The following PRKN variants were observed in gnomAD, a reference collection of about 807,000 sequenced individuals.
PRKN encodes the protein parkin RBR E3 ubiquitin protein ligase.
PRKN carries 56 observed loss-of-function variants against 59.5 expected under a neutral mutation model. The observed-to-expected ratio is 0.94, with a 90% CI of 0.76 to 1.18. The LOEUF is 1.18. Among genes scored for constraint, PRKN ranks in the 50% most tolerant of loss-of-function variants. PRKN has a pLI of 0.00. For synonymous variants in PRKN, 250 were observed against 222.1 expected (o/e 1.13, Z -1.12); for missense variants, 657 against 596.4 (o/e 1.10, Z -1.06).
chr6:162,055,248 C>A (rs1777810784), intron 4 of PRKN, among the ~76,000 whole-genome samples: 1 of 152,112 alleles, frequency 6.6e-6, no homozygotes, highest in Non-Finnish European at 1.5e-5. Context: ...AGCAAATTTC[C>A]AGATCCTCAA....
chr6:162,067,107 C>A (rs1778373872), intron 4 of PRKN, among the ~76,000 whole-genome samples: 1 of 152,034 alleles, frequency 6.6e-6, no homozygotes, highest in Non-Finnish European at 1.5e-5. Context: ...GCATCTTGAA[C>A]CACAAGTTCA....
chr6:162,257,737 C>G (rs979334335), intron 3 of PRKN, among the ~76,000 whole-genome samples: 3 of 152,082 alleles, frequency 2.0e-5, no homozygotes, highest in African/African-American at 2.4e-5. Context: ...AGGTATGGCC[C>G]GTTCGCGATG....
At chr6:161,775,668 T>G (rs1407165042) in intron 7 of PRKN, among the ~76,000 whole-genome samples, 1 of 152,232 alleles carries the variant, frequency 6.6e-6, no homozygotes, top group Non-Finnish European at 1.5e-5. Flanking sequence ...TTAGGAGTTA[T>G]ATTAACATGA....
chr6:162,230,991 G>A (rs1407082742), intron 3 of PRKN, among the ~76,000 whole-genome samples: 1 of 152,218 alleles, frequency 6.6e-6, no homozygotes, highest in Non-Finnish European at 1.5e-5. Context: ...TCATTGGACT[G>A]ATGGTTCCTG....
intron 1 of PRKN, among the ~76,000 whole-genome samples, chr6:162,654,726 A>T (rs1562472659): frequency 6.6e-6 from 1 of 152,162 alleles, no homozygotes; most frequent in East Asian, 1.9e-4. Context: ...AAGATGTTTG[A>T]TTGACTCACA....
At chr6:162,235,316 C>T (rs1414809270) in intron 3 of PRKN, among the ~76,000 whole-genome samples, 1 of 151,890 alleles carries the variant, frequency 6.6e-6, no homozygotes, top group Non-Finnish European at 1.5e-5. Context: ...TATCTGGAGG[C>T]GATGTTTAAT....
intron 2 of PRKN, among the ~76,000 whole-genome samples, chr6:162,418,654 G>A (rs1017224434): frequency 9.5e-5 from 14 of 147,880 alleles, no homozygotes; most frequent in African/African-American, 2.3e-4. Context: ...GTGTGTATGC[G>A]TGTGTGTTGA....
chr6:161,710,390 A>G (rs1786687560), intron 7 of PRKN, among the ~76,000 whole-genome samples: 1 of 152,162 alleles, frequency 6.6e-6, no homozygotes, highest in South Asian at 2.1e-4. Flanking sequence ...TGACTTAATG[A>G]TATTTTCAAT....
At chr6:162,206,055 C>T (rs1347578490) in intron 3 of PRKN, among the ~76,000 whole-genome samples, 3 of 152,072 alleles carry the variant, frequency 2.0e-5, no homozygotes, top group Non-Finnish European at 4.4e-5. Flanking sequence ...GAAGGTTTTA[C>T]TCGTGGCACT....
chr6:161,688,079 C>G (rs1384520692), intron 7 of PRKN, among the ~76,000 whole-genome samples: 1 of 152,214 alleles, frequency 6.6e-6, no homozygotes, highest in Non-Finnish European at 1.5e-5. Flanking sequence ...ATTCAACACT[C>G]TGCTCCCAAA....
intron 7 of PRKN, among the ~76,000 whole-genome samples, chr6:161,698,694 C>A (rs1352487764): frequency 1.3e-5 from 2 of 152,072 alleles, no homozygotes; most frequent in African/African-American, 4.8e-5. Context: ...GACAGAAGTA[C>A]AAAGGCAATT....
rs563465832 is a variant in PRKN, at chr6:162,280,835, GAACT to G, written c.172-18074_172-18071del. ...AAAAAAAAAGGCTAGAAGACGACAA[GAACT>G]AACTAAGATCAGAGCAGAACTGAAG... On this transcript the variant is annotated intron_variant, in intron 2 of 11. Transcript: ENST00000366898. 4.4e-3 allele frequency among the ~76,000 whole-genome samples: 570 copies of G among 129,916 alleles called. 3 individuals are homozygous for G. The highest frequency in any genetic ancestry group is 0.016 in the African/African-American group (539 of 34,550). The allele number at this position is 129,916 out of a possible 152,430, so 85.2% of individuals were successfully genotyped here. A position where few individuals can be genotyped will look rare whatever the true frequency, so the allele number is the denominator to read the frequency against.
intron 2 of PRKN, among the ~76,000 whole-genome samples, chr6:162,384,925 C>T (rs1194072797): frequency 6.6e-6 from 1 of 151,928 alleles, no homozygotes; most frequent in African/African-American, 2.4e-5. Context: ...ACTAAAATAC[C>T]CTGCCTTCCC....
chr6:162,075,652 G>C (rs151285915), intron 4 of PRKN, among the ~76,000 whole-genome samples: 1,978 of 151,972 alleles, frequency 0.013, 39 homozygotes, highest in African/African-American at 0.035. Flanking sequence ...ACAACGTTTT[G>C]GAGTGGTGGA....
At chr6:162,622,563 T>C (rs1331327415) in intron 1 of PRKN, among the ~76,000 whole-genome samples, 1 of 152,238 alleles carries the variant, frequency 6.6e-6, no homozygotes. Flanking sequence ...TACATGAATC[T>C]TCTGGTATCG....
intron 7 of PRKN, among the ~76,000 whole-genome samples, chr6:161,637,245 C>T (rs767888057): frequency 2.0e-5 from 3 of 152,104 alleles, no homozygotes; most frequent in African/African-American, 4.8e-5. Context: ...GCTTCTGCAC[C>T]GCCACTTAAA....
At chr6:162,258,404 C>T (rs1024636607) in intron 3 of PRKN, among the ~76,000 whole-genome samples, 1 of 152,160 alleles carries the variant, frequency 6.6e-6, no homozygotes, top group African/African-American at 2.4e-5. Context: ...GGTCCAATAG[C>T]TTCATCTCAT....
In PRKN at chr6:162,137,958, C is replaced by T. The variant is rs563231673; in HGVS notation, c.534+63173G>A. On this transcript the variant is annotated intron_variant, in intron 4 of 11. Transcript: ENST00000366898. ...AGGTAATGCGGGACTGTGATCCCGA[C>T]GTGAAGGAAACCTACAAAGATTTGG... Among the ~76,000 whole-genome samples, 24 of 151,452 alleles carry T rather than the reference C, an allele frequency of 1.6e-4. 1 individual carries two copies. The highest frequency in any genetic ancestry group is 3.4e-3 in the Middle Eastern group (1 of 292).
intron 4 of PRKN, among the ~76,000 whole-genome samples, chr6:162,152,174 G>A (rs1359063441): frequency 3.3e-5 from 5 of 152,234 alleles, no homozygotes; most frequent in African/African-American, 4.8e-5. Flanking sequence ...GAAATAAAAC[G>A]TTATCCTGCC....
Sources: gnomAD v4.1 joint callset for allele counts (sites outside exome capture counted in the v4.1 genomes callset) on GRCh38, gnomAD v4.1.1 for gene constraint, MANE v1.5 for transcripts, NCBI Gene and HGNC (gene_info 2026-07-23, HGNC 2026-07-21) for gene names.